The following NUP93 variants were observed in gnomAD, a reference collection of about 807,000 sequenced individuals.
NUP93 encodes the protein nuclear pore complex protein Nup93.
A neutral mutation model predicts 107.8 loss-of-function variants in NUP93; 55 were observed. That is an observed-to-expected ratio of 0.51 (90% CI 0.41 to 0.64). The LOEUF is 0.64. Ranked by LOEUF, NUP93 falls within the 30% of genes least tolerant of loss-of-function variation. The pLI is 0.00. For missense variants in NUP93, 937 were observed against 1,044.7 expected (o/e 0.90, Z 1.42); for synonymous variants, 390 against 397.5 (o/e 0.98, Z 0.22).
At chr16:56,769,849 C>T (rs1371564513) in intron 3 of NUP93, among the ~76,000 whole-genome samples, 1 of 152,158 alleles carries the variant, frequency 6.6e-6, no homozygotes, top group Non-Finnish European at 1.5e-5. Flanking sequence ...CCTTACTTAG[C>T]GTCTGACTGG....
intron 1 of NUP93, among the ~76,000 whole-genome samples, chr16:56,736,057 C>A (rs1297380037): frequency 6.6e-6 from 1 of 152,174 alleles, no homozygotes; most frequent in African/African-American, 2.4e-5. Context: ...GAGCTGGGTG[C>A]AGTGGCTCAC....
intron 1 of NUP93, among the ~76,000 whole-genome samples, chr16:56,735,698 C>T (rs1406019752): frequency 1.3e-5 from 2 of 151,764 alleles, no homozygotes; most frequent in Non-Finnish European, 2.9e-5. Context: ...CATGGTGGTG[C>T]GTGCCTGTTA....
intron 3 of NUP93, among the ~76,000 whole-genome samples, chr16:56,793,949 AG>A (rs1318075911): frequency 6.6e-6 from 1 of 151,938 alleles, no homozygotes; most frequent in Non-Finnish European, 1.5e-5. Context: ...GCTACTCAGA[AG>A]GCTGAGGAGG....
intron 7 of NUP93, among the ~76,000 whole-genome samples, chr16:56,822,398 G>C (rs1044237238): frequency 6.6e-6 from 1 of 151,250 alleles, no homozygotes; most frequent in African/African-American, 2.4e-5. Context: ...TGTAGTCCCA[G>C]CTACTCGAGA....
chr16:56,839,842 A>G (rs1470962546), intron 20 of NUP93: 2 of 482,186 alleles, frequency 4.1e-6, no homozygotes, highest in East Asian at 7.7e-5. Flanking sequence ...AGTGATTGAC[A>G]TGTTCTTGGG....
chr16:56,746,655 G>T (rs762803740), intron 1 of NUP93, among the ~76,000 whole-genome samples: 9 of 152,222 alleles, frequency 5.9e-5, no homozygotes, highest in Non-Finnish European at 1.2e-4. Context: ...GGCAGTAACA[G>T]TGTCCTTTTG....
chr16:56,833,597 G>A (rs1275962384), intron 13 of NUP93, among the ~76,000 whole-genome samples, 191 bp downstream of exon 13: 4 of 119,444 alleles, frequency 3.3e-5, no homozygotes, highest in Admixed American at 2.4e-4. Flanking sequence ...CCCAGCATTA[G>A]TATTCCCTTG....
chr16:56,742,034 G>A (rs371514247), intron 1 of NUP93, among the ~76,000 whole-genome samples: 8 of 152,134 alleles, frequency 5.3e-5, no homozygotes, highest in East Asian at 3.8e-4. Flanking sequence ...TGGGCTGTTT[G>A]GATTGTGGGT....
intron 3 of NUP93, among the ~76,000 whole-genome samples, chr16:56,780,188 G>C (rs1476888695): frequency 2.0e-5 from 3 of 152,002 alleles, no homozygotes; most frequent in Non-Finnish European, 2.9e-5. Context: ...ATTGGGTCTG[G>C]AACAAAAAAA....
intron 5 of NUP93, among the ~76,000 whole-genome samples, chr16:56,816,056 G>A (rs1963425201): frequency 6.6e-6 from 1 of 152,226 alleles, no homozygotes; most frequent in Non-Finnish European, 1.5e-5. Context: ...AGAGTGTGGT[G>A]CCAGACTGTG....
intron 3 of NUP93, among the ~76,000 whole-genome samples, chr16:56,775,761 A>G (rs180959712): frequency 1.3e-3 from 192 of 152,264 alleles, no homozygotes; most frequent in Middle Eastern, 6.8e-3. Flanking sequence ...TGAGATGAGG[A>G]GGGCACAGGT....
rs1964160737 is a variant in NUP93 at position 56,850,237 on chromosome 16, GTTCC to G, written c.*5632_*5635del. 6.6e-6 allele frequency: 1 copy of G among 152,192 alleles called. No individual in the cohort carries two copies. Among genetic ancestry groups the G allele is most frequent in the African/African-American group, 2.4e-5 (1 of 41,428 alleles). 9.4% of individuals were successfully genotyped at this position (152,192 alleles called of 1,614,324 possible). A position where few individuals can be genotyped will look rare whatever the true frequency, so the allele number is the denominator to read the frequency against. On this transcript the variant is annotated 3_prime_UTR_variant, in exon 22 of 22. Coordinates refer to ENST00000308159, the MANE Select transcript of NUP93 (RefSeq NM_014669.5). The stretch of plus-strand genomic sequence containing the variant: ...TTCTGCATTTACTCTGTTTAGGATG[GTTCC>G]TTCACCACTATCCCTGTCTGTAGCC...
At chr16:56,844,354 G>A (rs1337883100) in intron 21 of NUP93, 145 bp from the exon 22 acceptor site, 1 of 418,710 alleles carries the variant, frequency 2.4e-6, no homozygotes, top group East Asian at 3.5e-5. Context: ...AGGAGGGTAT[G>A]ACTGTCATCC....
chr16:56,795,553 C>T (rs1962878463), intron 3 of NUP93, among the ~76,000 whole-genome samples: 1 of 152,154 alleles, frequency 6.6e-6, no homozygotes, highest in Admixed American at 6.5e-5. Flanking sequence ...CGCCATCCTA[C>T]CCCCGTTATC....
chr16:56,770,618 T>G (rs771188809), intron 3 of NUP93, among the ~76,000 whole-genome samples: 2 of 152,176 alleles, frequency 1.3e-5, no homozygotes, highest in Non-Finnish European at 2.9e-5. Flanking sequence ...CCCCTTGAAG[T>G]TGTTAGAACA....
intron 1 of NUP93, among the ~76,000 whole-genome samples, chr16:56,740,108 C>T (rs1262056236): frequency 1.1e-4 from 14 of 131,838 alleles, no homozygotes; most frequent in African/African-American, 4.4e-4. Flanking sequence ...GACGGGGCGG[C>T]TGGCCAGGCG....
At chr16:56,756,039 C>T (rs1439933869) in intron 2 of NUP93, among the ~76,000 whole-genome samples, 8 of 151,924 alleles carry the variant, frequency 5.3e-5, no homozygotes, top group Non-Finnish European at 1.2e-4. Context: ...TAATCACAGT[C>T]GTTGGGAGGA....
At chr16:56,775,333 T>G (rs1162936477) in intron 3 of NUP93, among the ~76,000 whole-genome samples, 1 of 152,246 alleles carries the variant, frequency 6.6e-6, no homozygotes, top group African/African-American at 2.4e-5. Flanking sequence ...TAGACATTTC[T>G]AGAACTTCTG....
At chr16:56,785,618 C>T (rs769146710) in intron 3 of NUP93, among the ~76,000 whole-genome samples, 3 of 152,148 alleles carry the variant, frequency 2.0e-5, no homozygotes, top group Admixed American at 6.6e-5. Context: ...GGAAACATTC[C>T]GTGGTACTAA....
Sources: gnomAD v4.1 joint callset for allele counts (sites outside exome capture counted in the v4.1 genomes callset) on GRCh38, gnomAD v4.1.1 for gene constraint, MANE v1.5 for transcripts, NCBI Gene and HGNC (gene_info 2026-07-23, HGNC 2026-07-21) for gene names.